Variants in PVR observed in about 807,000 individuals in gnomAD.
The protein encoded by PVR is PVR cell adhesion molecule.
Under a neutral mutation model 43.3 loss-of-function variants are expected in PVR, and 39 were observed. The observed-to-expected ratio is 0.90, with a 90% CI of 0.70 to 1.18. The LOEUF (loss-of-function observed/expected upper bound fraction) is 1.18. Ranked by LOEUF, PVR falls within the 50% of genes most tolerant of loss-of-function variation. The pLI is 0.00. For missense variants in PVR, 480 were observed against 549.7 expected, an observed-to-expected ratio of 0.87 and a Z score of 1.27; for synonymous variants, 224 against 233.2, an observed-to-expected ratio of 0.96 and a Z score of 0.36.
At chr19:44,654,166 C>T (rs545665061) in intron 4 of PVR, 149 bp downstream of exon 4, 408 of 488,760 alleles carry the variant, frequency 8.3e-4, no homozygotes, top group African/African-American at 6.9e-3. Context: ...GCTGGGAGCC[C>T]GGACTCCTGG....
Position 44,653,883 on chromosome 19 carries a change from G to A in PVR, c.725-17G>A. On this transcript the variant is annotated splice_polypyrimidine_tract_variant and intron_variant, in intron 3 of 7. Coordinates refer to ENST00000425690, the MANE Select transcript of PVR (RefSeq NM_006505.5). ...AAAGCCTCCCAGTCTCTGAACCTCT[G>A]TATCCATTTCCTGCAGACCCCCCAG... The A allele has an allele frequency of 6.4e-7, 1 of 1,571,944 alleles. No homozygotes were observed. The highest frequency in any genetic ancestry group is 8.8e-7 in the Non-Finnish European group (1 of 1,141,568).
chr19:44,661,971 C>A lies in PVR; in HGVS notation c.*160C>A. The A allele has an allele frequency of 1.6e-6, 1 of 624,414 alleles. No homozygotes were observed. Among genetic ancestry groups the A allele is most frequent in the Non-Finnish European group, 2.8e-6 (1 of 354,788 alleles). The allele number at this position is 624,414 out of a possible 1,614,324, so 38.7% of individuals were successfully genotyped here. A position where few individuals can be genotyped will look rare whatever the true frequency, so the allele number is the denominator to read the frequency against. On this transcript the variant is annotated 3_prime_UTR_variant, in exon 8 of 8. Coordinates refer to ENST00000425690, the MANE Select transcript of PVR (RefSeq NM_006505.5). ...CGGGGGCAGGTGCAAGTTCATAGGT[C>A]TCCAAGACCACCCTCCTTTCATTTG...
intron 6 of PVR, among the ~76,000 whole-genome samples, chr19:44,659,630 G>A (rs765619201): frequency 4.0e-4 from 61 of 152,156 alleles, no homozygotes; most frequent in Non-Finnish European, 7.8e-4. Context: ...TTACAGGCAC[G>A]CACTACTATG....
At chr19:44,654,073 G>A (rs1348488626) in intron 4 of PVR, 56 bp downstream of exon 4, 1 of 1,410,022 alleles carries the variant, frequency 7.1e-7, no homozygotes, top group South Asian at 1.2e-5. Flanking sequence ...TAGCACTGAG[G>A]GAGGAGGGGC....
intron 5 of PVR, 114 bp downstream of exon 5, chr19:44,658,024 C>A: frequency 8.9e-7 from 1 of 1,122,464 alleles, no homozygotes. Flanking sequence ...CACAAAAGGA[C>A]CAGTGGGGCC....
intron 2 of PVR, 87 bp downstream of exon 2, chr19:44,647,657 G>C: frequency 9.0e-7 from 1 of 1,111,370 alleles, no homozygotes. Context: ...GGGAGGCCTG[G>C]GAGGGAGGGA....
At chr19:44,645,128 A>AAT (rs1973055143) in intron 1 of PVR, among the ~76,000 whole-genome samples, 1 of 51,114 alleles carries the variant, frequency 2.0e-5, no homozygotes, top group Non-Finnish European at 3.0e-5. Context: ...AATATATTAT[A>AAT]ATATATTATA....
intron 5 of PVR, among the ~76,000 whole-genome samples, chr19:44,658,191 A>G (rs1973504200): frequency 6.6e-6 from 1 of 152,214 alleles, no homozygotes; most frequent in Admixed American, 6.5e-5. Context: ...ACCTCTATCA[A>G]TTGCAATTGA....
intron 3 of PVR, 42 bp downstream of exon 3, chr19:44,650,147 G>A: frequency 6.1e-6 from 9 of 1,487,560 alleles, no homozygotes; most frequent in East Asian, 2.3e-5. Flanking sequence ...CCCCTGCCGG[G>A]CTGCCCCCAC....
At chr19:44,645,211 A>G (rs1412355242) in intron 1 of PVR, among the ~76,000 whole-genome samples, 3 of 88,264 alleles carry the variant, frequency 3.4e-5, no homozygotes, top group South Asian at 2.9e-4. Flanking sequence ...TGTATATTAT[A>G]TATTATATAT....
intron 1 of PVR, 89 bp from the exon 2 acceptor site, chr19:44,647,134 G>A (rs1035999837): frequency 3.2e-5 from 30 of 930,512 alleles, no homozygotes; most frequent in Non-Finnish European, 4.3e-5. Flanking sequence ...GCGTGCAAGT[G>A]CACGCCCAGG....
intron 1 of PVR, 45 bp from the exon 2 acceptor site, chr19:44,647,178 C>T: frequency 1.4e-6 from 2 of 1,431,064 alleles, no homozygotes; most frequent in South Asian, 2.8e-5. Flanking sequence ...CCTATCTAGT[C>T]CAAGAACGCC....
At chr19:44,645,233 A>ATG (rs1973072653) in intron 1 of PVR, among the ~76,000 whole-genome samples, 1 of 102,504 alleles carries the variant, frequency 9.8e-6, no homozygotes, top group South Asian at 2.4e-4. Context: ...TTATTATAAT[A>ATG]TATAATATGT....
chr19:44,657,420 C>G (rs1973476382), intron 4 of PVR, among the ~76,000 whole-genome samples: 1 of 152,130 alleles, frequency 6.6e-6, no homozygotes, highest in Non-Finnish European at 1.5e-5. Context: ...CAGGCGACCT[C>G]TGGTGGCCAT....
In PVR at chr19:44,658,815, T is replaced by C; in HGVS notation, c.1065T>C (p.Phe355=). The C allele has an allele frequency of 6.2e-7, 1 of 1,614,104 alleles. No individual in the cohort carries two copies. The highest frequency in any genetic ancestry group is 8.5e-7 in the Non-Finnish European group (1 of 1,179,908). ...IIFLVLGILV[F]LILLGIGIYF... Reference sequence around the variant, plus strand: ...TCCTGGTTCTGGGAATCCTGGTTTTTCTGATCCTGCTGGGGATCGGGATTT... The same window carrying C: ...TCCTGGTTCTGGGAATCCTGGTTTTCCTGATCCTGCTGGGGATCGGGATTT... The change falls in exon 6 of 8, where the codon TTT becomes TTC. Residue 355 remains phenylalanine (F), a synonymous_variant. Transcript: ENST00000425690.
At chr19:44,650,708 G>A (rs528318615) in intron 3 of PVR, among the ~76,000 whole-genome samples, 6 of 151,810 alleles carry the variant, frequency 4.0e-5, no homozygotes, top group Non-Finnish European at 5.9e-5. Context: ...GATTAAAGGT[G>A]CACACCACCA....
At chr19:44,649,166 C>T (rs1011201406) in intron 2 of PVR, among the ~76,000 whole-genome samples, 2 of 152,132 alleles carry the variant, frequency 1.3e-5, no homozygotes, top group Non-Finnish European at 2.9e-5. Context: ...GGAAAGAGTC[C>T]GTCTGCCCCC....
At position 44,650,353 on chromosome 19, in the gene PVR, G is replaced by C. The variant is rs147407890; in HGVS notation, c.724+248G>C. Among the ~76,000 whole-genome samples the C allele has an allele frequency of 7.9e-3, 1,197 of 152,136 alleles. 9 individuals carry two copies. The highest frequency in any genetic ancestry group is 0.016 in the Admixed American group (251 of 15,274). ...GCTGGTACCCAGACTGTCTGCCCTG[G>C]CTCCTCTAGCGGCTGTCTGCACGGA... On this transcript the variant is annotated intron_variant, in intron 3 of 7. Transcript: ENST00000425690.
intron 1 of PVR, among the ~76,000 whole-genome samples, chr19:44,646,270 A>G (rs1973111432): frequency 6.6e-6 from 1 of 152,186 alleles, no homozygotes; most frequent in South Asian, 2.1e-4. Flanking sequence ...CTCCTGGGCT[A>G]TAATTGCCTT....
Sources: gnomAD v4.1 joint callset for allele counts (sites outside exome capture counted in the v4.1 genomes callset) on GRCh38, gnomAD v4.1.1 for gene constraint, MANE v1.5 for transcripts, NCBI Gene and HGNC (gene_info 2026-07-23, HGNC 2026-07-21) for gene names.